The following CFAP299 variants were observed in gnomAD, a reference collection of about 807,000 sequenced individuals.
CFAP299 encodes the protein cilia and flagella associated protein 299.
In CFAP299, 21 loss-of-function variants were observed where a neutral mutation model predicts 27.0. That is an observed-to-expected ratio of 0.78 (90% CI 0.55 to 1.12). The LOEUF (loss-of-function observed/expected upper bound fraction) is 1.12. Among genes scored for constraint, CFAP299 ranks in the 50% most tolerant of loss-of-function variants. CFAP299 has a pLI of 0.00. For synonymous variants in CFAP299, 104 were observed against 98.1 expected (o/e 1.06, Z -0.36); for missense variants, 310 against 276.6 (o/e 1.12, Z -0.86).
At chr4:80,425,498 C>T (rs1222142019) in intron 2 of CFAP299, among the ~76,000 whole-genome samples, 1 of 152,210 alleles carries the variant, frequency 6.6e-6, no homozygotes, top group East Asian at 1.9e-4. Flanking sequence ...CTCACCCCTT[C>T]CTTTTCCTTG....
intron 3 of CFAP299, among the ~76,000 whole-genome samples, chr4:80,782,001 A>G (rs1163339616): frequency 6.6e-6 from 1 of 152,140 alleles, no homozygotes; most frequent in Non-Finnish European, 1.5e-5. Flanking sequence ...TCTACTTCAT[A>G]TAATTGTTAT....
intron 4 of CFAP299, among the ~76,000 whole-genome samples, chr4:80,941,886 C>G (rs1280331942): frequency 6.6e-6 from 1 of 152,134 alleles, no homozygotes; most frequent in Non-Finnish European, 1.5e-5. Context: ...AGCTCAGTCA[C>G]TATTGTGAGG....
At chr4:80,675,048 TC>T (rs1171106699) in intron 3 of CFAP299, among the ~76,000 whole-genome samples, 2 of 152,202 alleles carry the variant, frequency 1.3e-5, no homozygotes, top group Non-Finnish European at 2.9e-5. Flanking sequence ...TCATTCTCCA[TC>T]CAGCTTTGTT....
intron 3 of CFAP299, among the ~76,000 whole-genome samples, chr4:80,686,255 TG>T (rs1720186429): frequency 6.6e-6 from 1 of 152,176 alleles, no homozygotes; most frequent in Admixed American, 6.5e-5. Context: ...GAATTCTGTC[TG>T]GCCATTCCCA....
chr4:80,863,211 T>TTC (rs1257979937), intron 3 of CFAP299, among the ~76,000 whole-genome samples: 11 of 152,060 alleles, frequency 7.2e-5, no homozygotes, highest in African/African-American at 2.7e-4. Context: ...CTTTTTTTTT[T>TTC]TTTTTTAAGT....
chr4:80,489,217 C>T (rs1730988905), intron 2 of CFAP299, among the ~76,000 whole-genome samples: 1 of 152,102 alleles, frequency 6.6e-6, no homozygotes, highest in African/African-American at 2.4e-5. Context: ...CAAGATGTCT[C>T]TGAAGGTATT....
chr4:80,514,195 A>G (rs916371153), intron 2 of CFAP299, among the ~76,000 whole-genome samples: 3 of 152,072 alleles, frequency 2.0e-5, no homozygotes, highest in African/African-American at 7.2e-5. Context: ...AATAGACCAT[A>G]TTATTGAGGA....
chr4:80,791,354 G>T (rs530597742), intron 3 of CFAP299, among the ~76,000 whole-genome samples: 1 of 152,092 alleles, frequency 6.6e-6, no homozygotes, highest in Non-Finnish European at 1.5e-5. Context: ...TAACCTCCTT[G>T]ACTCTCAATC....
intron 2 of CFAP299, among the ~76,000 whole-genome samples, chr4:80,373,662 G>A (rs1452677466): frequency 6.6e-6 from 1 of 152,134 alleles, no homozygotes; most frequent in Non-Finnish European, 1.5e-5. Context: ...TGCCCTTGGT[G>A]GTCATTGGGC....
intron 3 of CFAP299, among the ~76,000 whole-genome samples, chr4:80,762,352 A>G (rs767535479): frequency 6.6e-6 from 1 of 152,118 alleles, no homozygotes; most frequent in Non-Finnish European, 1.5e-5. Flanking sequence ...AGAAATAAAT[A>G]GTATATTTCA....
At chr4:80,730,528 T>C (rs576377211) in intron 3 of CFAP299, among the ~76,000 whole-genome samples, 9 of 141,268 alleles carry the variant, frequency 6.4e-5, no homozygotes, top group African/African-American at 2.3e-4. Context: ...GCTAAGCTGA[T>C]AAAAAAAAAA....
chr4:80,670,470 G>A (rs2109992471), intron 3 of CFAP299, among the ~76,000 whole-genome samples: 1 of 152,254 alleles, frequency 6.6e-6, no homozygotes, highest in Non-Finnish European at 1.5e-5. Flanking sequence ...TGTCTTTATA[G>A]TAGCATGATT....
chr4:80,671,624 T>C (rs1028633581), intron 3 of CFAP299, among the ~76,000 whole-genome samples: 1 of 152,214 alleles, frequency 6.6e-6, no homozygotes, highest in Admixed American at 6.5e-5. Flanking sequence ...TTCCTATCCA[T>C]GAGTATGGAG....
At chr4:80,780,791 A>G (rs1475764603) in intron 3 of CFAP299, among the ~76,000 whole-genome samples, 1 of 151,986 alleles carries the variant, frequency 6.6e-6, no homozygotes, top group Non-Finnish European at 1.5e-5. Context: ...TTATATATTG[A>G]CTGGGTAGAC....
At chr4:80,815,029 C>G (rs538512604) in intron 3 of CFAP299, among the ~76,000 whole-genome samples, 4 of 151,994 alleles carry the variant, frequency 2.6e-5, no homozygotes, top group Non-Finnish European at 4.4e-5. Flanking sequence ...AACAAATAAA[C>G]CAAACCTGTC....
intron 2 of CFAP299, among the ~76,000 whole-genome samples, chr4:80,491,483 C>T (rs552454455): frequency 9.2e-5 from 14 of 151,952 alleles, no homozygotes; most frequent in Middle Eastern, 3.4e-3. Flanking sequence ...ATAATATAGC[C>T]GATTTCTTTC....
intron 3 of CFAP299, among the ~76,000 whole-genome samples, chr4:80,596,573 G>T (rs1737074053): frequency 6.6e-6 from 1 of 151,390 alleles, no homozygotes; most frequent in South Asian, 2.1e-4. Context: ...TCCCTATACA[G>T]TGTCTCTTTA....
intron 3 of CFAP299, among the ~76,000 whole-genome samples, chr4:80,830,477 T>C (rs1159167463): frequency 6.6e-6 from 1 of 151,732 alleles, no homozygotes; most frequent in Non-Finnish European, 1.5e-5. Context: ...CAAGATAGAG[T>C]CTGGCATATT....
intron 3 of CFAP299, among the ~76,000 whole-genome samples, chr4:80,729,164 C>G (rs766638931): frequency 5.3e-5 from 8 of 152,196 alleles, no homozygotes; most frequent in Non-Finnish European, 1.0e-4. Context: ...AGTTTGCTCT[C>G]TTAGGCAGAG....
Sources: allele counts gnomAD v4.1 joint callset (sites outside exome capture counted in the v4.1 genomes callset), GRCh38; gene constraint gnomAD v4.1.1; transcripts MANE v1.5; gene names NCBI Gene and HGNC (gene_info 2026-07-23, HGNC 2026-07-21).